HEATR4: variants seen among roughly 807,000 people sequenced by gnomAD.
HEATR4 encodes the protein HEAT repeat-containing protein 4.
HEATR4 carries 95 observed loss-of-function variants against 108.8 expected under a neutral mutation model. The ratio of observed to expected loss-of-function variants is 0.87; its 90% CI spans 0.74 to 1.04. The LOEUF (loss-of-function observed/expected upper bound fraction) is 1.04, where lower values mean the gene tolerates loss of function less well. Among genes scored for constraint, HEATR4 ranks in the 50% least tolerant of loss-of-function variants. The pLI, the probability that HEATR4 is intolerant of heterozygous loss-of-function variation, is 0.00. For missense variants in HEATR4, 1,152 were observed against 1,253.8 expected, an observed-to-expected ratio of 0.92 and a Z score of 1.23; for synonymous variants, 443 against 459.4, an observed-to-expected ratio of 0.96 and a Z score of 0.46.
rs57839054 is a variant in HEATR4 at position 73,542,403 on chromosome 14, CT to C, written c.-151-12160del. Among the ~76,000 whole-genome samples, 901 of 83,446 alleles carry C rather than the reference CT, an allele frequency of 0.011. 225 individuals are homozygous for C. The South Asian group carries it at 0.18, about 17-fold the overall frequency. The allele number at this position is 83,446 out of a possible 152,430, so 54.7% of individuals were successfully genotyped here. A position where few individuals can be genotyped will look rare whatever the true frequency, so the allele number is the denominator to read the frequency against. On this transcript the variant is annotated intron_variant, in intron 1 of 17. Transcript: ENST00000553558. ...TTAAATTCCAGTATGTTTTTTCTTT[CT>C]TTTTTTTTTTTTTTTTTTAAGACGG...
chr14:73,508,213 A>C lies in HEATR4; in HGVS notation c.1802T>G (p.Leu601Arg), dbSNP rs1886974570. ...TATYPVIKRI[L>R]HQLFTKKNED... is the part of the protein sequence containing the mutation. The stretch of plus-strand genomic sequence containing the variant: ...ATTCTTCTTTGTAAACAGCTGGTGG[A>C]GGATCCTCTTAATCACAGGGTAAGT... Residue 601 changes from leucine (L) to arginine (R), a missense_variant, in exon 9 of 18, where the codon CTC becomes CGC. By Grantham distance (102) the Leu-to-Arg change is moderately radical. Transcript: ENST00000553558. The C allele has an allele frequency of 1.9e-6, 3 of 1,613,850 alleles. No individual in the cohort carries two copies.
chr14:73,592,679 G>C, the HEATR4 span, among the ~76,000 whole-genome samples: 121,862 of 151,928 alleles, frequency 0.8, 49,703 homozygotes, highest in African/African-American at 0.95. Context: ...ATGGTGAAAC[G>C]CTGACTCTAC....
At chr14:73,505,516 C>T (rs1886754406) in intron 10 of HEATR4, among the ~76,000 whole-genome samples, 2 of 152,006 alleles carry the variant, frequency 1.3e-5, no homozygotes, top group African/African-American at 2.4e-5. Context: ...TGTGCCTCAG[C>T]CTTCCAAGTA....
the HEATR4 span, among the ~76,000 whole-genome samples, chr14:73,620,652 C>T: frequency 6.6e-6 from 1 of 151,982 alleles, no homozygotes; most frequent in Non-Finnish European, 1.5e-5. Flanking sequence ...ACTGCAACCT[C>T]CGCCTCCCAG....
intron 7 of HEATR4, among the ~76,000 whole-genome samples, chr14:73,511,532 T>G: frequency 8.3e-6 from 1 of 119,800 alleles, no homozygotes. Context: ...AATAAATAAA[T>G]AAATAAATAA....
chr14:73,507,006 G>A (rs1276688495), intron 9 of HEATR4, among the ~76,000 whole-genome samples: 5 of 151,406 alleles, frequency 3.3e-5, no homozygotes, highest in Non-Finnish European at 7.4e-5. Flanking sequence ...TTACCATGTT[G>A]GTGCCAGGCT....
chr14:73,479,212 T>A (rs891789030), intron 17 of HEATR4, among the ~76,000 whole-genome samples: 5 of 151,794 alleles, frequency 3.3e-5, no homozygotes, highest in Admixed American at 3.3e-4. Flanking sequence ...GCCTCCCGGG[T>A]TCACGCCATT....
In HEATR4 at chr14:73,532,154, C is replaced by A. The variant is rs184273211; in HGVS notation, c.-151-1910G>T. On this transcript the variant is annotated intron_variant, in intron 1 of 17. Transcript: ENST00000553558. Reference sequence around the variant, plus strand: ...CACATGACCACATAGCTCTGGCAGGCGTCAGATTACCAGGCTGATAAAACA... The same window carrying A: ...CACATGACCACATAGCTCTGGCAGGAGTCAGATTACCAGGCTGATAAAACA... Among the ~76,000 whole-genome samples, 83 of 116,062 alleles carry A rather than the reference C, an allele frequency of 7.2e-4. 22 individuals carry two copies. The highest frequency in any genetic ancestry group is 2.2e-3 in the African/African-American group (77 of 35,720). 76.1% of individuals were successfully genotyped at this position (116,062 alleles called of 152,430 possible). A position where few individuals can be genotyped will look rare whatever the true frequency, so the allele number is the denominator to read the frequency against.
chr14:73,560,107 A>G (rs573985478), upstream of HEATR4, among the ~76,000 whole-genome samples: 30 of 152,272 alleles, frequency 2.0e-4, 1 homozygote, highest in Non-Finnish European at 3.5e-4. Context: ...TTTAAGTCAT[A>G]GAAGTCTTAC....
the HEATR4 span, chr14:73,569,609 C>T: frequency 3.2e-5 from 52 of 1,600,880 alleles, no homozygotes; most frequent in East Asian, 1.2e-3. Context: ...GCGAGCTGGA[C>T]CTGGAGCGCG....
the HEATR4 span, among the ~76,000 whole-genome samples, chr14:73,572,130 T>G: frequency 1.7e-5 from 2 of 116,820 alleles, no homozygotes; most frequent in African/African-American, 3.7e-5. Context: ...AAATATGTTA[T>G]TCTACTTGTA....
the HEATR4 span, among the ~76,000 whole-genome samples, chr14:73,625,656 T>C: frequency 6.6e-6 from 1 of 152,184 alleles, no homozygotes; most frequent in South Asian, 2.1e-4. Flanking sequence ...CCACCACATC[T>C]AGCCTTTTTC....
rs1198301373 is a variant in HEATR4, at chr14:73,554,025, G to T, written c.-152+4726C>A. On this transcript the variant is annotated intron_variant, in intron 1 of 17. Coordinates refer to ENST00000553558, the MANE Select transcript of HEATR4 (RefSeq NM_001220484.1). ...CCTCTGCTTTAATCTGTACACAAAA[G>T]AATTAGCCAGCTGGGCATGGTGGCT... Among the ~76,000 whole-genome samples the T allele has an allele frequency of 5.2e-5, 6 of 115,064 alleles. 1 individual carries two copies. The highest frequency in any genetic ancestry group is 1.3e-3 in the East Asian group (2 of 1,492). 75.5% of individuals were successfully genotyped at this position (115,064 alleles called of 152,430 possible). A position where few individuals can be genotyped will look rare whatever the true frequency, so the allele number is the denominator to read the frequency against.
At chr14:73,575,518 T>C in the HEATR4 span, 1 of 1,505,122 alleles carries the variant, frequency 6.6e-7, no homozygotes, top group Middle Eastern at 2.3e-4. Context: ...GTGTAAATTT[T>C]ATTTGATCAT....
intron 2 of HEATR4, among the ~76,000 whole-genome samples, chr14:73,529,414 G>A (rs1413869441): frequency 6.6e-6 from 1 of 150,972 alleles, no homozygotes. Context: ...ACCAGGCCCT[G>A]GAATGAGCAA....
chr14:73,599,957 C>T, the HEATR4 span, among the ~76,000 whole-genome samples: 1 of 152,132 alleles, frequency 6.6e-6, no homozygotes, highest in Non-Finnish European at 1.5e-5. Flanking sequence ...GCTGAAGGTC[C>T]AATATTTCAT....
intron 11 of HEATR4, among the ~76,000 whole-genome samples, chr14:73,501,559 G>GTC (rs1397305490): frequency 2.1e-5 from 3 of 141,926 alleles, no homozygotes; most frequent in Middle Eastern, 3.9e-3. Context: ...CTCCTATGCA[G>GTC]TCTCTCTCTC....
the HEATR4 span, among the ~76,000 whole-genome samples, chr14:73,597,569 CT>C: frequency 7.4e-6 from 1 of 134,952 alleles, no homozygotes; most frequent in African/African-American, 2.7e-5. Context: ...ATTTCTTTTT[CT>C]TTTTTTTTCT....
intron 7 of HEATR4, 74 bp downstream of exon 7, chr14:73,511,932 G>T: frequency 6.3e-7 from 1 of 1,579,668 alleles, no homozygotes; most frequent in Non-Finnish European, 8.7e-7. Context: ...TAAGCCCTGG[G>T]TCCCTACCAG....
Sources: allele counts gnomAD v4.1 joint callset (sites outside exome capture counted in the v4.1 genomes callset), GRCh38; gene constraint gnomAD v4.1.1; transcripts MANE v1.5; gene names NCBI Gene and HGNC (gene_info 2026-07-23, HGNC 2026-07-21).